The following RDX variants were observed in gnomAD, a reference collection of about 807,000 sequenced individuals.
RDX encodes the protein deafness, autosomal recessive 24.
Under a neutral mutation model 83.7 loss-of-function variants are expected in RDX, and 32 were observed. That is an observed-to-expected ratio of 0.38 (90% confidence interval 0.29 to 0.51). The LOEUF (loss-of-function observed/expected upper bound fraction) is 0.51. RDX is among the 20% of genes least tolerant of loss of function. RDX has a pLI of 0.87. For synonymous variants in RDX, 229 were observed against 222.7 expected (o/e 1.03, Z -0.25); for missense variants, 600 against 689.9 (o/e 0.87, Z 1.46).
intron 9 of RDX, among the ~76,000 whole-genome samples, chr11:110,248,943 T>C (rs1161848720): frequency 6.6e-6 from 1 of 152,216 alleles, no homozygotes; most frequent in Non-Finnish European, 1.5e-5. Context: ...GCTAATGATC[T>C]TAAAAAATAT....
At chr11:110,265,109 G>GTTTTTTTTTTTT (rs71053876) in intron 3 of RDX, among the ~76,000 whole-genome samples, 163 of 90,658 alleles carry the variant, frequency 1.8e-3, no homozygotes, top group African/African-American at 3.8e-3. Flanking sequence ...TTTTTTTTTT[G>GTTTTTTTTTTTT]TTTTTTTTTT....
intron 1 of RDX, among the ~76,000 whole-genome samples, chr11:110,281,372 G>A (rs1860753767): frequency 1.3e-5 from 2 of 150,186 alleles, no homozygotes; most frequent in African/African-American, 2.5e-5. Flanking sequence ...CCAGGCTGGA[G>A]TGCAGTGCTC....
Position 110,264,012 on chromosome 11 carries a change from T to G in RDX, c.415A>C (p.Lys139Gln). ...AVQAKYGDYNKEIHKPGYLAN... is the reference protein window; with the variant it reads ...AVQAKYGDYNQEIHKPGYLAN... ...AGGTAGCCTGGCTTATGAATCTCTT[T>G]ATTGTAATCTCCATACTTGGCTTGG... is the stretch of plus-strand genomic sequence containing the variant. The change falls in exon 5 of 14, where the codon AAA becomes CAA. Residue 139 changes from lysine to glutamine, a missense_variant. Lys to Gln is a moderately conservative substitution (Grantham distance 53). Transcript: ENST00000645495. The G allele has an allele frequency of 6.2e-7, 1 of 1,613,826 alleles. No homozygotes were observed. Among genetic ancestry groups the G allele is most frequent in the Non-Finnish European group, 8.5e-7 (1 of 1,179,712 alleles).
At chr11:110,186,307 G>A (rs924176170) in intron 15 of RDX, among the ~76,000 whole-genome samples, 2 of 152,158 alleles carry the variant, frequency 1.3e-5, no homozygotes, top group Non-Finnish European at 2.9e-5. Context: ...AGCCAACAGG[G>A]CATGAAAAGT....
chr11:110,268,312 G>GA (rs201275055), intron 3 of RDX, among the ~76,000 whole-genome samples: 141 of 136,592 alleles, frequency 1.0e-3, no homozygotes, highest in Admixed American at 3.5e-3. Context: ...CTGTTTCGGG[G>GA]AAAAAAAAAA....
intron 5 of RDX, 33 bp from the exon 6 acceptor site, chr11:110,258,222 T>A (rs369378441): frequency 1.5e-6 from 2 of 1,341,650 alleles, no homozygotes; most frequent in Non-Finnish European, 2.1e-6. Flanking sequence ...AAAATTATAA[T>A]GACTTTAAGA....
At chr11:110,188,029 C>T (rs1038637251) in intron 15 of RDX, among the ~76,000 whole-genome samples, 3 of 152,196 alleles carry the variant, frequency 2.0e-5, no homozygotes, top group Non-Finnish European at 4.4e-5. Context: ...CATGGTGGCT[C>T]ATGCCTGTAA....
At chr11:110,193,724 T>C (rs1863147723) in intron 15 of RDX, among the ~76,000 whole-genome samples, 1 of 152,196 alleles carries the variant, frequency 6.6e-6, no homozygotes, top group Non-Finnish European at 1.5e-5. Flanking sequence ...TCGGAGGCCC[T>C]GAGAGTTGGA....
At chr11:110,186,180 C>T (rs78894836) in intron 15 of RDX, among the ~76,000 whole-genome samples, 2,702 of 152,248 alleles carry the variant, frequency 0.018, 83 homozygotes, top group African/African-American at 0.061. Flanking sequence ...GGGCAATTCA[C>T]GCGTGAAGAA....
At chr11:110,238,869 G>A (rs1864964896) in intron 10 of RDX, among the ~76,000 whole-genome samples, 1 of 151,132 alleles carries the variant, frequency 6.6e-6, no homozygotes, top group Non-Finnish European at 1.5e-5. Flanking sequence ...AGGCTGCAGT[G>A]AGCCAAGATT....
chr11:110,278,781 T>A (rs1860622877), intron 2 of RDX, among the ~76,000 whole-genome samples: 1 of 151,972 alleles, frequency 6.6e-6, no homozygotes, highest in African/African-American at 2.4e-5. Flanking sequence ...CATTCTGAAG[T>A]GTTATCCGTG....
chr11:110,266,236 A>G (rs1252976421), intron 3 of RDX, among the ~76,000 whole-genome samples: 1 of 151,998 alleles, frequency 6.6e-6, no homozygotes, highest in African/African-American at 2.4e-5. Flanking sequence ...GGGAGGCAGA[A>G]GCAGGAGAAT....
rs1248874261 is a variant in RDX, at chr11:110,264,049, A to G, written c.378T>C (p.Ala126=). ...YCPPETAVLL[A]SYAVQAKYGD... ...CATACTTGGCTTGGACAGCATAGGA[A>G]GCCAAAAGAACTGCAGTTTCTGGCG... The change falls in exon 5 of 14, where the codon GCT becomes GCC. Residue 126 remains alanine (A), a synonymous_variant. Coordinates refer to ENST00000645495, the MANE Select transcript of RDX (RefSeq NM_002906.4). The G allele has an allele frequency of 6.8e-6, 11 of 1,613,760 alleles. No individual in the cohort carries two copies. Among genetic ancestry groups the G allele is most frequent in the African/African-American group, 1.3e-5 (1 of 75,034 alleles).
intron 3 of RDX, among the ~76,000 whole-genome samples, chr11:110,266,891 GGTTT>G (rs113879456): frequency 0.47 from 70,109 of 150,148 alleles, 16,882 homozygotes; most frequent in East Asian, 0.6. Flanking sequence ...CTTGGCCCTT[GGTTT>G]GTTTGTTTGT....
At chr11:110,279,852 A>G in intron 1 of RDX, 96 bp from the exon 2 acceptor site, 1 of 567,012 alleles carries the variant, frequency 1.8e-6, no homozygotes, top group Non-Finnish European at 3.1e-6. Context: ...ATATTTGAAA[A>G]GGTGGATTTA....
intron 14 of RDX, among the ~76,000 whole-genome samples, chr11:110,218,653 T>C (rs1216922818): frequency 6.6e-6 from 1 of 152,164 alleles, no homozygotes; most frequent in Non-Finnish European, 1.5e-5. Flanking sequence ...AAACTTTACG[T>C]TTTCAATACA....
At chr11:110,295,029 T>G (rs1236400645) in intron 1 of RDX, among the ~76,000 whole-genome samples, 1 of 152,224 alleles carries the variant, frequency 6.6e-6, no homozygotes, top group East Asian at 1.9e-4. Context: ...AGAAAGTCAC[T>G]GCAATCGTCT....
intron 14 of RDX, among the ~76,000 whole-genome samples, chr11:110,201,895 G>A (rs113490694): frequency 0.043 from 6,343 of 146,336 alleles, 470 homozygotes; most frequent in African/African-American, 0.15. Flanking sequence ...CACCACATCC[G>A]GCTAATTTTG....
chr11:110,285,184 C>T (rs1357363833), intron 1 of RDX, among the ~76,000 whole-genome samples: 2 of 151,192 alleles, frequency 1.3e-5, no homozygotes, highest in African/African-American at 4.9e-5. Flanking sequence ...GTCAGGAGTT[C>T]GAGACCAGTC....
Sources: gnomAD v4.1 joint callset for allele counts (sites outside exome capture counted in the v4.1 genomes callset) on GRCh38, gnomAD v4.1.1 for gene constraint, MANE v1.5 for transcripts, NCBI Gene and HGNC (gene_info 2026-07-23, HGNC 2026-07-21) for gene names.